PCDHGB4: variants seen among roughly 807,000 people sequenced by gnomAD.
PCDHGB4 encodes the protein protocadherin gamma-B4.
In PCDHGB4, 38 loss-of-function variants were observed where a neutral mutation model predicts 60.5. The observed-to-expected ratio is 0.63, with a 90% confidence interval of 0.48 to 0.82. PCDHGB4 has a LOEUF of 0.82. Ranked by LOEUF, PCDHGB4 falls within the 40% of genes least tolerant of loss-of-function variation. PCDHGB4 has a pLI of 0.00. For synonymous variants in PCDHGB4, 456 were observed against 509.7 expected (o/e 0.89, Z 1.42); for missense variants, 1,109 against 1,209.6 (o/e 0.92, Z 1.23).
At chr5:141,393,314 C>T (rs2150518180) in intron 1 of PCDHGB4, 1 of 1,613,076 alleles carries the variant, frequency 6.2e-7, no homozygotes, top group Non-Finnish European at 8.5e-7. Flanking sequence ...TGAACTCCCT[C>T]CAGAGCTACC....
At chr5:141,405,334 T>C in intron 1 of PCDHGB4, 1 of 1,614,196 alleles carries the variant, frequency 6.2e-7, no homozygotes. Flanking sequence ...TGTGCGTCTC[T>C]GTTGATTCCA....
intron 1 of PCDHGB4, among the ~76,000 whole-genome samples, chr5:141,458,890 C>A (rs369529373): frequency 2.0e-5 from 3 of 152,042 alleles, no homozygotes; most frequent in African/African-American, 7.2e-5. Flanking sequence ...GCACACCATG[C>A]GCAGCTAATT....
intron 1 of PCDHGB4, chr5:141,409,349 A>G: frequency 6.2e-7 from 1 of 1,614,030 alleles, no homozygotes. Context: ...TGGAGAAGTC[A>G]GGTGTAATAT....
chr5:141,393,572 G>A, intron 1 of PCDHGB4: 1 of 1,613,908 alleles, frequency 6.2e-7, no homozygotes, highest in Non-Finnish European at 8.5e-7. Context: ...AAGTCCTTGA[G>A]AACATGCCCC....
Position 141,389,208 on chromosome 5 carries a change from G to A in PCDHGB4, c.1324G>A (p.Asp442Asn), listed in dbSNP as rs762367131. Residue 442 changes from aspartate (D) to asparagine (N), a missense_variant, in exon 1 of 4, where the codon GAT becomes AAT. Physicochemically the swap from Asp to Asn is conservative, Grantham distance 23. Transcript: ENST00000519479. ...SSSSITLHIG[D>N]VNDNAPVFSQ... is the part of the protein sequence containing the mutation. ...TTCCAGCATCACCCTGCACATTGGT[G>A]ATGTAAATGACAACGCTCCGGTTTT... 7 of 1,613,930 alleles carry A rather than the reference G, an allele frequency of 4.3e-6. No homozygotes were observed. Among genetic ancestry groups the A allele is most frequent in the Non-Finnish European group, 5.9e-6 (7 of 1,179,902 alleles).
intron 1 of PCDHGB4, chr5:141,409,987 C>T: frequency 3.1e-6 from 5 of 1,613,288 alleles, no homozygotes; most frequent in Non-Finnish European, 4.2e-6. Context: ...TAGCGGTGGA[C>T]GCCGACTCGG....
Position 141,476,263 on chromosome 5 carries a change from C to T in PCDHGB4, c.2398-18544C>T. 1 of 1,613,940 alleles carries T rather than the reference C, an allele frequency of 6.2e-7. No individual in the cohort carries two copies. The highest frequency in any genetic ancestry group is 8.5e-7 in the Non-Finnish European group (1 of 1,180,010). Reference sequence around the variant, plus strand: ...GAGAGAAGGGTTTCGCTGTGGGCAACGTGGTCGCGAACCTTGGTTTGGATC... The same window carrying T: ...GAGAGAAGGGTTTCGCTGTGGGCAATGTGGTCGCGAACCTTGGTTTGGATC... On this transcript the variant is annotated intron_variant, in intron 1 of 3. Transcript: ENST00000519479. The surrounding 1 kb of genome is among the most constrained non-coding windows in gnomAD (Gnocchi z 7.6).
intron 1 of PCDHGB4, chr5:141,419,661 A>G (rs1363084793): frequency 2.5e-6 from 4 of 1,612,714 alleles, no homozygotes; most frequent in East Asian, 2.2e-5. Flanking sequence ...TCGGGGCACA[A>G]TGCCTGGCTG....
chr5:141,470,054 C>T (rs895181664), intron 1 of PCDHGB4, among the ~76,000 whole-genome samples: 2 of 152,118 alleles, frequency 1.3e-5, no homozygotes, highest in African/African-American at 4.8e-5. Flanking sequence ...GTTTGAACCC[C>T]GGAGGCAGAG....
intron 1 of PCDHGB4, chr5:141,409,819 G>A (rs781534809): frequency 1.2e-6 from 2 of 1,610,356 alleles, no homozygotes; most frequent in African/African-American, 2.7e-5. Context: ...ACCACGGCTC[G>A]CCCACGCTCA....
Position 141,469,939 on chromosome 5 carries a change from T to G in PCDHGB4, c.2398-24868T>G, listed in dbSNP as rs1376169822. Among the ~76,000 whole-genome samples, 3 of 152,186 alleles carry G rather than the reference T, an allele frequency of 2.0e-5. No individual in the cohort carries two copies. The East Asian group carries it at 5.8e-4, about 29-fold the overall frequency. On this transcript the variant is annotated intron_variant, in intron 1 of 3. Transcript: ENST00000519479. ...CGAGGTCAGGAGTTTGAGACCAGCC[T>G]GGCCAGCATGGTGAAACCCCATCTG...
chr5:141,423,141 G>T (rs2096714253), intron 1 of PCDHGB4: 6 of 1,613,580 alleles, frequency 3.7e-6, no homozygotes, highest in East Asian at 2.2e-5. Context: ...ACAGAGACGC[G>T]CTCAAGCAGA....
intron 1 of PCDHGB4, among the ~76,000 whole-genome samples, chr5:141,444,758 T>C (rs1430492886): frequency 1.3e-5 from 2 of 152,262 alleles, no homozygotes; most frequent in East Asian, 3.8e-4. Flanking sequence ...TATGTAGTTC[T>C]ATTTCTATAT....
At position 141,486,538 on chromosome 5, in the gene PCDHGB4, C is replaced by A; in HGVS notation, c.2398-8269C>A. 1 of 1,614,150 alleles carries A rather than the reference C, an allele frequency of 6.2e-7. No individual in the cohort carries two copies. Among genetic ancestry groups the A allele is most frequent in the Non-Finnish European group, 8.5e-7 (1 of 1,180,038 alleles). ...ATGTGAATGATAATCCACCCTCTTTCTTTCAGAGGTCACATGAGGTGTTTG... is the reference window on the plus strand; with the variant it reads ...ATGTGAATGATAATCCACCCTCTTTATTTCAGAGGTCACATGAGGTGTTTG... On this transcript the variant is annotated intron_variant, in intron 1 of 3. Coordinates refer to ENST00000519479, the MANE Select transcript of PCDHGB4 (RefSeq NM_003736.4). This position sits in a 1 kb window ranked among gnomAD's most constrained non-coding sequence, Gnocchi z 5.0.
intron 1 of PCDHGB4, chr5:141,441,144 T>C (rs141609485): frequency 6.6e-6 from 1 of 152,296 alleles, no homozygotes; most frequent in African/African-American, 2.4e-5. Context: ...TAGAAGATAA[T>C]GACAATATCC....
chr5:141,393,446 C>A (rs572838831), intron 1 of PCDHGB4: 1 of 1,614,038 alleles, frequency 6.2e-7, no homozygotes, highest in East Asian at 2.2e-5. Flanking sequence ...ACCACCTGGT[C>A]CTCACGGCCT....
At position 141,388,209 on chromosome 5, in the gene PCDHGB4, G is replaced by A; in HGVS notation, c.325G>A (p.Val109Ile). The change falls in exon 1 of 4, where the codon GTT (valine) becomes ATT (isoleucine). Residue 109 changes from valine (V) to isoleucine (I), a missense_variant. Val to Ile is a conservative substitution (Grantham distance 29). Transcript: ENST00000519479. ...KPACALEFEA[V>I]AENPLNFYHV... ...AGCTTGTGCTCTGGAATTTGAGGCT[G>A]TTGCTGAAAATCCACTGAACTTTTA... The A allele has an allele frequency of 6.3e-7, 1 of 1,586,286 alleles. No individual in the cohort carries two copies. Among genetic ancestry groups the A allele is most frequent in the Non-Finnish European group, 8.6e-7 (1 of 1,157,674 alleles).
intron 1 of PCDHGB4, among the ~76,000 whole-genome samples, chr5:141,444,199 T>C (rs2098425653): frequency 7.4e-6 from 1 of 134,516 alleles, no homozygotes; most frequent in African/African-American, 2.9e-5. Context: ...GAGATGGAGT[T>C]TCACTCTTGT....
chr5:141,390,855 A>G (rs941626765), intron 1 of PCDHGB4: 5 of 156,986 alleles, frequency 3.2e-5, no homozygotes, highest in African/African-American at 1.0e-4. Context: ...TATGCAGTGT[A>G]CGCTGTGTGT....
Sources: allele counts gnomAD v4.1 joint callset (sites outside exome capture counted in the v4.1 genomes callset), GRCh38; gene constraint gnomAD v4.1.1; non-coding constraint Gnocchi (gnomAD v3.1); transcripts MANE v1.5; gene names NCBI Gene and HGNC (gene_info 2026-07-23, HGNC 2026-07-21).